The following USP14 variants were observed in gnomAD, a reference collection of about 807,000 sequenced individuals.
USP14 encodes the protein ubiquitin carboxyl-terminal hydrolase 14.
A neutral mutation model predicts 76.5 loss-of-function variants in USP14; 38 were observed. The observed-to-expected ratio is 0.50, with a 90% CI of 0.38 to 0.65. The LOEUF (loss-of-function observed/expected upper bound fraction) is 0.65, where lower values mean the gene tolerates loss of function less well. Among genes scored for constraint, USP14 ranks in the 30% least tolerant of loss-of-function variants. USP14 has a pLI of 0.00. For synonymous variants in USP14, 192 were observed against 191.7 expected (o/e 1.00, Z -0.01); for missense variants, 467 against 586.5 (o/e 0.80, Z 2.10).
chr18:197,618 T>C lies in USP14; in HGVS notation c.597T>C (p.Asp199=). ...CTTTGTCTTTTTTTACATTACAGGA[T>C]GCTAATGAATGTTGGATACAAATGA... The part of the protein sequence containing the change: ...KGEQGQYLQQ[D]ANECWIQMMR... Residue 199 remains aspartate (D), a splice_region_variant and synonymous_variant, in exon 8 of 16, where the codon GAT becomes GAC. Coordinates refer to ENST00000261601, the MANE Select transcript of USP14 (RefSeq NM_005151.4). The C allele has an allele frequency of 6.2e-7, 1 of 1,609,756 alleles. No homozygotes were observed. The highest frequency in any genetic ancestry group is 8.5e-7 in the Non-Finnish European group (1 of 1,177,278).
chr18:181,090 T>C (rs1909777569), intron 5 of USP14, among the ~76,000 whole-genome samples: 1 of 152,246 alleles, frequency 6.6e-6, no homozygotes, highest in Admixed American at 6.5e-5. Context: ...TCCTATTTTA[T>C]GGCTGAATAG....
intron 4 of USP14, among the ~76,000 whole-genome samples, chr18:179,244 T>C: frequency 6.6e-6 from 1 of 152,184 alleles, no homozygotes; most frequent in East Asian, 1.9e-4. Flanking sequence ...CTAGGGGTTT[T>C]TTTTTGTATT....
At chr18:204,775 G>T in intron 13 of USP14, 83 bp downstream of exon 13, 1 of 1,516,008 alleles carries the variant, frequency 6.6e-7, no homozygotes, top group Non-Finnish European at 8.9e-7. Context: ...TTTTTTTCCT[G>T]CTTCATTTTT....
rs191534583 is a variant in USP14 at position 193,209 on chromosome 18, A to G, written c.463+309A>G. 4.9e-4 allele frequency among the ~76,000 whole-genome samples: 74 copies of G among 152,274 alleles called. 1 individual carries two copies. Among genetic ancestry groups the G allele is most frequent in the Admixed American group, 4.4e-3 (67 of 15,294 alleles). ...GGGATAGCCAGCGACGGGTTTTATC[A>G]TAATCCATGTATCATTATAAAAGAG... On this transcript the variant is annotated intron_variant, in intron 6 of 15. Coordinates refer to ENST00000261601, the MANE Select transcript of USP14 (RefSeq NM_005151.4).
At chr18:201,793 TG>T (rs992749539) in intron 10 of USP14, among the ~76,000 whole-genome samples, 1 of 152,202 alleles carries the variant, frequency 6.6e-6, no homozygotes, top group African/African-American at 2.4e-5. Context: ...AAGGTCTAGA[TG>T]ATAGTGGATT....
intron 13 of USP14, among the ~76,000 whole-genome samples, chr18:205,167 A>T (rs1910496126): frequency 6.6e-6 from 1 of 152,106 alleles, no homozygotes; most frequent in African/African-American, 2.4e-5. Context: ...ATGAGGCACC[A>T]CACCTGGCCT....
intron 3 of USP14, among the ~76,000 whole-genome samples, chr18:167,740 T>A (rs1909315251): frequency 6.6e-6 from 1 of 152,018 alleles, no homozygotes; most frequent in African/African-American, 2.4e-5. Flanking sequence ...GGTCTTGAAC[T>A]CCAGGGCTCA....
rs1909177657 is a variant in USP14, at chr18:163,341, G to A, written c.50G>A (p.Gly17Asp). ...AAATGGGGAAAGGAGAAATTTGAAG[G>A]TGTAGAATTGAATACAGATGAACCT... Reference protein sequence around the residue: ...TVKWGKEKFEGVELNTDEPPM... With the variant: ...TVKWGKEKFEDVELNTDEPPM... Residue 17 changes from glycine (G) to aspartate (D), a missense_variant, in exon 2 of 16, where the codon GGT becomes GAT. Coordinates refer to ENST00000261601, the MANE Select transcript of USP14 (RefSeq NM_005151.4). 4.3e-6 allele frequency: 7 copies of A among 1,612,936 alleles called. No homozygotes were observed. The highest frequency in any genetic ancestry group is 5.9e-6 in the Non-Finnish European group (7 of 1,179,570).
intron 10 of USP14, among the ~76,000 whole-genome samples, chr18:202,577 A>G (rs3765617): frequency 0.061 from 9,262 of 152,272 alleles, 674 homozygotes; most frequent in East Asian, 0.32. Flanking sequence ...TATATAAAAT[A>G]CAATATAAAA....
At chr18:209,016 C>T (rs1036546612) in intron 13 of USP14, among the ~76,000 whole-genome samples, 2 of 152,210 alleles carry the variant, frequency 1.3e-5, no homozygotes, top group South Asian at 2.1e-4. Flanking sequence ...CCACTATACC[C>T]GGCCTAAATT....
chr18:160,592 T>G (rs1909090080), intron 1 of USP14, among the ~76,000 whole-genome samples: 1 of 152,232 alleles, frequency 6.6e-6, no homozygotes. Context: ...GTTTTAATCT[T>G]CAACGTAATC....
At chr18:171,960 G>A (rs2144221648) in intron 3 of USP14, among the ~76,000 whole-genome samples, 1 of 152,250 alleles carries the variant, frequency 6.6e-6, no homozygotes, top group African/African-American at 2.4e-5. Flanking sequence ...ATTAGAAGTG[G>A]CCAGGCATGG....
chr18:201,837 T>C (rs1369461575), intron 10 of USP14, among the ~76,000 whole-genome samples: 1 of 152,188 alleles, frequency 6.6e-6, no homozygotes, highest in Non-Finnish European at 1.5e-5. Context: ...CAGATATACT[T>C]TCTTGAAAAA....
chr18:198,249 T>G (rs1910294048), intron 9 of USP14, 117 bp downstream of exon 9: 1 of 922,718 alleles, frequency 1.1e-6, no homozygotes, highest in African/African-American at 1.7e-5. Context: ...GAGGTTTTTT[T>G]TCTTTGAGAC....
intron 3 of USP14, among the ~76,000 whole-genome samples, chr18:168,960 C>A (rs921157163): frequency 1.3e-5 from 2 of 151,578 alleles, no homozygotes; most frequent in Non-Finnish European, 2.9e-5. Context: ...GCCTGTAGTC[C>A]CAGCTACTCA....
At position 209,984 on chromosome 18, in the gene USP14, G is replaced by A; in HGVS notation, c.1178G>A (p.Ser393Asn). The A allele has an allele frequency of 1.2e-6, 2 of 1,602,270 alleles. No homozygotes were observed. The highest frequency in any genetic ancestry group is 1.1e-5 in the South Asian group (1 of 88,016). ...TTTTCTCCTCAGAGTGACAAAAAGA[G>A]TAGTCCCCAGAAAGAAGTTAAGTAT... ...NQQPNTSDKK[S>N]SPQKEVKYEP... Residue 393 changes from serine (S) to asparagine (N), a missense_variant, in exon 14 of 16, where the codon AGT (serine) becomes AAT (asparagine). Physicochemically the swap from Ser to Asn is conservative, Grantham distance 46 (BLOSUM62 1). Transcript: ENST00000261601.
At chr18:202,462 T>G (rs2143083125) in intron 10 of USP14, among the ~76,000 whole-genome samples, 1 of 152,366 alleles carries the variant, frequency 6.6e-6, no homozygotes, top group East Asian at 1.9e-4. Flanking sequence ...TCATTGGTGC[T>G]GATTGGCTTT....
chr18:160,113 G>A (rs1012981014), intron 1 of USP14, among the ~76,000 whole-genome samples: 7 of 152,126 alleles, frequency 4.6e-5, no homozygotes, highest in African/African-American at 1.4e-4. Context: ...AGACCGCCTG[G>A]CCAACATGTT....
At chr18:199,857 T>TC (rs1181029534) in intron 10 of USP14, among the ~76,000 whole-genome samples, 1 of 152,224 alleles carries the variant, frequency 6.6e-6, no homozygotes, top group Non-Finnish European at 1.5e-5. Context: ...ATCCTGTATT[T>TC]CCCCTAGGAG....
Sources: allele counts gnomAD v4.1 joint callset (sites outside exome capture counted in the v4.1 genomes callset), GRCh38; gene constraint gnomAD v4.1.1; transcripts MANE v1.5; gene names NCBI Gene and HGNC (gene_info 2026-07-23, HGNC 2026-07-21).